Variants in PCSK5 observed in about 807,000 individuals in gnomAD.
PCSK5 encodes the protein proprotein convertase subtilisin/kexin type 5.
In PCSK5, 129 loss-of-function variants were observed where a neutral mutation model predicts 233.2. That is an observed-to-expected ratio of 0.55 (90% CI 0.48 to 0.64). PCSK5 has a LOEUF of 0.64. Ranked by LOEUF, PCSK5 falls within the 30% of genes least tolerant of loss-of-function variation. The pLI is 0.00. For missense variants in PCSK5, 2,076 were observed against 2,430.1 expected (o/e 0.85, Z 3.06); for synonymous variants, 825 against 879.2 (o/e 0.94, Z 1.09).
At position 75,986,187 on chromosome 9, in the gene PCSK5, T is replaced by A; in HGVS notation, c.353T>A (p.Phe118Tyr). The change falls in exon 3 of 38, where the codon TTC (phenylalanine) becomes TAC (tyrosine). Residue 118 changes from phenylalanine to tyrosine, a missense_variant. This residue lies in a region of PCSK5 where 190 missense variants were observed against 216.3 expected (regional missense o/e 0.88). Coordinates refer to ENST00000674117, the MANE Select transcript of PCSK5 (RefSeq NM_001372043.1). The stretch of plus-strand genomic sequence containing the variant: ...AAGCGGACAAAGAGGGATTATGACT[T>A]CAGTCGTGCCCAGTCTACCTATTTC... ...VKKRTKRDYD[F>Y]SRAQSTYFND... is the part of the protein sequence containing the mutation. 2 of 1,613,936 alleles carry A rather than the reference T, an allele frequency of 1.2e-6. No homozygotes were observed. The highest frequency in any genetic ancestry group is 1.7e-6 in the Non-Finnish European group (2 of 1,179,784).
rs149994990 is a variant in PCSK5 at position 75,928,292 on chromosome 9, A to T, written c.193-4087A>T. Among the ~76,000 whole-genome samples, 176 of 152,086 alleles carry T rather than the reference A, an allele frequency of 1.2e-3. 1 individual carries two copies. In the East Asian group the frequency reaches 0.03, roughly 26 times the overall value. On this transcript the variant is annotated intron_variant, in intron 1 of 37. Coordinates refer to ENST00000674117, the MANE Select transcript of PCSK5 (RefSeq NM_001372043.1). ...TTTATAAGATATCCCCATGTTAGTT[A>T]TATATTGTTCCTTGTTTCAGTCCTC...
At chr9:76,176,856 C>T (rs1055333868) in intron 14 of PCSK5, among the ~76,000 whole-genome samples, 2 of 152,146 alleles carry the variant, frequency 1.3e-5, no homozygotes, top group Admixed American at 6.5e-5. Flanking sequence ...ACAGCCTTAT[C>T]GTCTACAAAT....
chr9:76,082,666 A>G (rs553995705), intron 7 of PCSK5, among the ~76,000 whole-genome samples: 75 of 151,854 alleles, frequency 4.9e-4, no homozygotes, highest in African/African-American at 1.8e-3. Flanking sequence ...AGCCCACAAT[A>G]AGAAGACTTA....
intron 1 of PCSK5, among the ~76,000 whole-genome samples, chr9:75,928,638 T>TATATATAA (rs1491404962): frequency 3.6e-4 from 46 of 128,584 alleles, no homozygotes; most frequent in African/African-American, 1.2e-3. Flanking sequence ...TATATATATA[T>TATATATAA]AATCCTAGAA....
intron 20 of PCSK5, among the ~76,000 whole-genome samples, chr9:76,216,757 T>C (rs971081951): frequency 6.6e-6 from 1 of 152,238 alleles, no homozygotes; most frequent in African/African-American, 2.4e-5. Flanking sequence ...GTTAATACAA[T>C]TGGAGTCTGT....
At chr9:76,323,320 G>A (rs55762660) in intron 32 of PCSK5, 32 bp downstream of exon 32, 268,245 of 1,309,216 alleles carry the variant, frequency 0.2, 29,357 homozygotes, top group Middle Eastern at 0.24. Context: ...AATAGGCTCC[G>A]GGGTTTGCAT....
chr9:76,208,798 G>A (rs914428635), intron 20 of PCSK5, among the ~76,000 whole-genome samples: 2 of 152,144 alleles, frequency 1.3e-5, no homozygotes, highest in Admixed American at 6.5e-5. Context: ...TTCCAACCTG[G>A]ATGGTTTTGC....
At chr9:76,265,765 T>C (rs1827314929) in intron 24 of PCSK5, among the ~76,000 whole-genome samples, 1 of 152,186 alleles carries the variant, frequency 6.6e-6, no homozygotes, top group African/African-American at 2.4e-5. Flanking sequence ...AAAAAATGTA[T>C]GTATAATATA....
At chr9:75,991,614 A>T (rs151176855) in intron 3 of PCSK5, among the ~76,000 whole-genome samples, 2 of 152,310 alleles carry the variant, frequency 1.3e-5, no homozygotes, top group East Asian at 3.9e-4. Flanking sequence ...CTTAGCTTAT[A>T]TATTCTTTCA....
chr9:76,346,616 G>A (rs549025272), intron 35 of PCSK5, among the ~76,000 whole-genome samples: 1 of 151,786 alleles, frequency 6.6e-6, no homozygotes, highest in South Asian at 2.1e-4. Context: ...TCTTTGCAGT[G>A]AGCAGTCCTT....
At chr9:76,294,879 G>A (rs2260691) in intron 25 of PCSK5, among the ~76,000 whole-genome samples, 39,100 of 151,918 alleles carry the variant, frequency 0.26, 5,500 homozygotes, top group African/African-American at 0.37. Context: ...CAGGCTGGGC[G>A]TGGTGGCTCA....
At chr9:75,920,080 A>T (rs2131253817) in intron 1 of PCSK5, among the ~76,000 whole-genome samples, 1 of 152,198 alleles carries the variant, frequency 6.6e-6, no homozygotes, top group South Asian at 2.1e-4. Flanking sequence ...GGGGGAGGAG[A>T]ATCACTTGAA....
At chr9:76,293,098 G>A (rs565930644) in intron 25 of PCSK5, among the ~76,000 whole-genome samples, 5 of 152,294 alleles carry the variant, frequency 3.3e-5, no homozygotes, top group Non-Finnish European at 5.9e-5. Flanking sequence ...GCTACTGACA[G>A]GTCTACATTT....
At chr9:76,118,569 A>G (rs182799934) in intron 9 of PCSK5, among the ~76,000 whole-genome samples, 79 of 152,182 alleles carry the variant, frequency 5.2e-4, no homozygotes, top group Middle Eastern at 3.4e-3. Context: ...ATAAGTATTT[A>G]TTTAATACTG....
At chr9:76,083,943 T>C (rs1830960011) in intron 7 of PCSK5, among the ~76,000 whole-genome samples, 1 of 152,218 alleles carries the variant, frequency 6.6e-6, no homozygotes, top group Non-Finnish European at 1.5e-5. Context: ...TGCTTTTTAA[T>C]AAATGACAGA....
chr9:75,944,409 A>T (rs181377066), intron 2 of PCSK5, among the ~76,000 whole-genome samples: 1 of 152,076 alleles, frequency 6.6e-6, no homozygotes, highest in Non-Finnish European at 1.5e-5. Flanking sequence ...TTTAAAAACG[A>T]TAGTAAAATT....
intron 3 of PCSK5, among the ~76,000 whole-genome samples, chr9:76,005,508 A>T (rs1470119335): frequency 6.6e-6 from 1 of 152,140 alleles, no homozygotes; most frequent in Non-Finnish European, 1.5e-5. Context: ...ACTATATATT[A>T]GTTCATAGAG....
chr9:76,038,309 T>C (rs572347532), intron 5 of PCSK5, among the ~76,000 whole-genome samples: 1 of 152,320 alleles, frequency 6.6e-6, no homozygotes, highest in African/African-American at 2.4e-5. Flanking sequence ...TATGTTGTTA[T>C]TCCGCAGAGA....
At chr9:76,223,638 A>T (rs1280916956) in intron 20 of PCSK5, among the ~76,000 whole-genome samples, 1 of 152,226 alleles carries the variant, frequency 6.6e-6, no homozygotes, top group Non-Finnish European at 1.5e-5. Context: ...GGGGGAATGG[A>T]ACATTTTTTG....
Sources: gnomAD v4.1 joint callset for allele counts (sites outside exome capture counted in the v4.1 genomes callset) on GRCh38, gnomAD v4.1.1 for gene constraint, gnomAD v4.1.1 regional missense constraint, MANE v1.5 for transcripts, NCBI Gene and HGNC (gene_info 2026-07-23, HGNC 2026-07-21) for gene names.